The following HERC3 variants were observed in gnomAD, a reference collection of about 807,000 sequenced individuals.
HERC3 encodes the protein HECT and RLD domain containing E3 ubiquitin protein ligase 3.
In HERC3, 58 loss-of-function variants were observed where a neutral mutation model predicts 129.9. The ratio of observed to expected loss-of-function variants is 0.45; its 90% CI spans 0.36 to 0.56. The LOEUF is 0.56. Among genes scored for constraint, HERC3 ranks in the 20% least tolerant of loss-of-function variants. The pLI is 0.00. For synonymous variants in HERC3, 430 were observed against 451.0 expected, an observed-to-expected ratio of 0.95 and a Z score of 0.59; for missense variants, 835 against 1,244.2, an observed-to-expected ratio of 0.67 and a Z score of 4.95.
At chr4:88,700,285 T>C (rs942985182) in intron 23 of HERC3, among the ~76,000 whole-genome samples, 2 of 152,206 alleles carry the variant, frequency 1.3e-5, no homozygotes, top group Non-Finnish European at 2.9e-5. Flanking sequence ...GCATGGACTT[T>C]TATTTCTCTT....
In HERC3 at chr4:88,688,130, G is replaced by A. The variant is rs564040291; in HGVS notation, c.2657+831G>A. Among the ~76,000 whole-genome samples the A allele has an allele frequency of 1.2e-3, 189 of 152,316 alleles. 1 individual carries two copies. The highest frequency in any genetic ancestry group is 6.8e-3 in the Middle Eastern group (2 of 294). On this transcript the variant is annotated intron_variant, in intron 23 of 25. Coordinates refer to ENST00000402738, the MANE Select transcript of HERC3 (RefSeq NM_014606.3). ...TTGTAGCCCAGGTGCCACGGTACTA[G>A]GGTAAGAGGCTACAACACTTTTATC...
chr4:88,670,078 T>A, intron 15 of HERC3, 55 bp downstream of exon 15: 1 of 1,602,974 alleles, frequency 6.2e-7, no homozygotes, highest in Non-Finnish European at 8.5e-7. Flanking sequence ...GGGTAAAATG[T>A]CCTAGTGAGA....
At chr4:88,574,899 C>A in the HERC3 span, among the ~76,000 whole-genome samples, 22 of 152,028 alleles carry the variant, frequency 1.4e-4, no homozygotes, top group Middle Eastern at 6.3e-3. Flanking sequence ...CTCTTTGAGA[C>A]CTTGCTTTCA....
In HERC3 at chr4:88,664,227, G is replaced by T. The variant is rs370060403; in HGVS notation, c.1331+15G>T. 7.5e-6 allele frequency: 12 copies of T among 1,607,292 alleles called. No individual in the cohort carries two copies. Among genetic ancestry groups the T allele is most frequent in the Non-Finnish European group, 1.0e-5 (12 of 1,174,456 alleles). ...CTTGAAAAAAAGTAAGTGACTTAGA[G>T]CCTTAAAAAACCCTCACGTGTACCT... On this transcript the variant is annotated intron_variant, in intron 12 of 25. Transcript: ENST00000402738.
At chr4:88,621,007 C>T (rs1455238241) in intron 3 of HERC3, among the ~76,000 whole-genome samples, 2 of 152,162 alleles carry the variant, frequency 1.3e-5, no homozygotes, top group African/African-American at 4.8e-5. Context: ...CAATCAATAC[C>T]TCTCTTACCT....
intron 3 of HERC3, among the ~76,000 whole-genome samples, chr4:88,624,077 C>T (rs1382647453): frequency 6.6e-6 from 1 of 152,114 alleles, no homozygotes; most frequent in Non-Finnish European, 1.5e-5. Flanking sequence ...GAATAATGCT[C>T]TTGAGGTTGA....
intron 4 of HERC3, 126 bp downstream of exon 4, chr4:88,650,125 A>C (rs1729117471): frequency 1.1e-6 from 1 of 918,744 alleles, no homozygotes; most frequent in South Asian, 1.8e-5. Context: ...CCTGTGCCTT[A>C]TACTATTAAA....
the HERC3 span, among the ~76,000 whole-genome samples, chr4:88,560,630 T>C: frequency 6.6e-6 from 1 of 152,214 alleles, no homozygotes; most frequent in Admixed American, 6.5e-5. Context: ...TTGCCTGAGC[T>C]TTTGGTGTGA....
chr4:88,603,428 G>A (rs1212693656), intron 2 of HERC3, among the ~76,000 whole-genome samples: 2 of 151,960 alleles, frequency 1.3e-5, no homozygotes, highest in Non-Finnish European at 2.9e-5. Context: ...GGCTGGTCTC[G>A]AACTCCTTCC....
chr4:88,669,944 G>C lies in HERC3; in HGVS notation c.1718G>C (p.Gly573Ala), dbSNP rs758280844. ...GGTGCAGTCCTTTATCTACTGAGGG[G>C]AAGAAAGACATTCTTAATTCCCGTA... ...YKGAVLYLLR[G>A]RKTFLIPVLF... is the part of the protein sequence containing the mutation. Residue 573 changes from glycine (G) to alanine (A), a missense_variant, in exon 15 of 26, where the codon GGA (glycine) becomes GCA (alanine). Physicochemically the swap from Gly to Ala is moderately conservative, Grantham distance 60. Transcript: ENST00000402738. 6.2e-7 allele frequency: 1 copy of C among 1,613,784 alleles called. No homozygotes were observed. Among genetic ancestry groups the C allele is most frequent in the Non-Finnish European group, 8.5e-7 (1 of 1,179,752 alleles).
intron 3 of HERC3, among the ~76,000 whole-genome samples, chr4:88,606,444 T>C (rs377592888): frequency 3.0e-4 from 46 of 152,194 alleles, no homozygotes; most frequent in African/African-American, 1.1e-3. Context: ...AGAGAACATA[T>C]GTAATATCAG....
chr4:88,568,751 G>A, the HERC3 span, among the ~76,000 whole-genome samples: 1 of 151,884 alleles, frequency 6.6e-6, no homozygotes. Flanking sequence ...GTCTAGAAGT[G>A]CCATCTGGGA....
At chr4:88,625,618 C>T (rs1335222317) in intron 3 of HERC3, among the ~76,000 whole-genome samples, 1 of 152,010 alleles carries the variant, frequency 6.6e-6, no homozygotes, top group African/African-American at 2.4e-5. Flanking sequence ...AGCTGTGTGC[C>T]TATTATTTCA....
intron 3 of HERC3, among the ~76,000 whole-genome samples, chr4:88,614,343 C>T (rs1042626209): frequency 6.6e-6 from 1 of 151,938 alleles, no homozygotes; most frequent in African/African-American, 2.4e-5. Flanking sequence ...TTTAATAATC[C>T]TAGAATTTTG....
intron 3 of HERC3, among the ~76,000 whole-genome samples, chr4:88,637,286 C>A (rs1396884641): frequency 6.6e-6 from 1 of 150,552 alleles, no homozygotes; most frequent in African/African-American, 2.4e-5. Context: ...ATTAGCCGGG[C>A]ATGATGGCGG....
intron 2 of HERC3, among the ~76,000 whole-genome samples, chr4:88,603,007 G>GT (rs1465536817): frequency 6.6e-6 from 1 of 152,116 alleles, no homozygotes; most frequent in Non-Finnish European, 1.5e-5. Context: ...TACAGTTATT[G>GT]TAAGGGTGTT....
At chr4:88,675,663 G>A (rs368551826) in intron 16 of HERC3, among the ~76,000 whole-genome samples, 8 of 151,502 alleles carry the variant, frequency 5.3e-5, no homozygotes, top group Admixed American at 1.3e-4. Context: ...GTGCATTCAC[G>A]TATTGATGGA....
At chr4:88,607,204 T>C (rs761165115) in intron 3 of HERC3, among the ~76,000 whole-genome samples, 4 of 151,900 alleles carry the variant, frequency 2.6e-5, no homozygotes, top group Non-Finnish European at 5.9e-5. Flanking sequence ...TGTATGCATG[T>C]GCACTTGGGT....
At chr4:88,686,163 T>C (rs559578451) in intron 21 of HERC3, among the ~76,000 whole-genome samples, 1 of 151,740 alleles carries the variant, frequency 6.6e-6, no homozygotes, top group East Asian at 1.9e-4. Context: ...AAAAAATTAG[T>C]GTGAGTGTAT....
Sources: allele counts gnomAD v4.1 joint callset (sites outside exome capture counted in the v4.1 genomes callset), GRCh38; gene constraint gnomAD v4.1.1; transcripts MANE v1.5; gene names NCBI Gene and HGNC (gene_info 2026-07-23, HGNC 2026-07-21).